PIK3CB: variants seen among roughly 807,000 people sequenced by gnomAD.
PIK3CB encodes phosphatidylinositol 4,5-bisphosphate 3-kinase catalytic subunit beta isoform.
A neutral mutation model predicts 136.8 loss-of-function variants in PIK3CB; 39 were observed. The ratio of observed to expected loss-of-function variants is 0.29; its 90% confidence interval spans 0.22 to 0.37. The LOEUF is 0.37. Ranked by LOEUF, PIK3CB falls within the 10% of genes least tolerant of loss-of-function variation. The pLI, the probability that PIK3CB is intolerant of heterozygous loss-of-function variation, is 1.00. For synonymous variants in PIK3CB, 428 were observed against 436.6 expected (o/e 0.98, Z 0.25); for missense variants, 868 against 1,275.4 (o/e 0.68, Z 4.87).
chr3:138,681,914 T>A (rs2043789285), intron 19 of PIK3CB, 53 bp downstream of exon 19: 1 of 1,060,074 alleles, frequency 9.4e-7, no homozygotes, highest in Non-Finnish European at 1.4e-6. Context: ...ATTCTAGATA[T>A]TTTTGCTATG....
chr3:138,769,595 C>T (rs2045775515), intron 2 of PIK3CB, among the ~76,000 whole-genome samples: 1 of 152,178 alleles, frequency 6.6e-6, no homozygotes, highest in African/African-American at 2.4e-5. Context: ...GGCATACTCA[C>T]AAAATGTGGT....
At chr3:138,831,252 C>T (rs899469987) in intron 1 of PIK3CB, among the ~76,000 whole-genome samples, 24 of 105,196 alleles carry the variant, frequency 2.3e-4, no homozygotes, top group African/African-American at 8.3e-5. Context: ...AGTGAGACTC[C>T]GTCTCAAATA....
chr3:138,688,167 A>G (rs1201541617), intron 16 of PIK3CB, among the ~76,000 whole-genome samples: 1 of 152,178 alleles, frequency 6.6e-6, no homozygotes, highest in African/African-American at 2.4e-5. Flanking sequence ...AATGAATTAG[A>G]AAAGAGTAGT....
intron 2 of PIK3CB, among the ~76,000 whole-genome samples, chr3:138,784,618 A>G (rs994584193): frequency 6.6e-6 from 1 of 151,996 alleles, no homozygotes; most frequent in Non-Finnish European, 1.5e-5. Flanking sequence ...TTTGGTGGAG[A>G]CGGGGTTTCG....
chr3:138,833,317 T>C (rs543809499), intron 1 of PIK3CB, among the ~76,000 whole-genome samples: 121 of 152,166 alleles, frequency 8.0e-4, no homozygotes, highest in African/African-American at 2.7e-3. Context: ...TCCGCCCGCC[T>C]CGGCCTCCCA....
At chr3:138,752,155 A>T (rs141712886) in intron 4 of PIK3CB, among the ~76,000 whole-genome samples, 252 of 152,204 alleles carry the variant, frequency 1.7e-3, no homozygotes, top group African/African-American at 5.7e-3. Context: ...GGTGGCATAC[A>T]CCTTACTACA....
At chr3:138,777,083 G>A (rs1158203788) in intron 2 of PIK3CB, among the ~76,000 whole-genome samples, 1 of 152,080 alleles carries the variant, frequency 6.6e-6, no homozygotes, top group Non-Finnish European at 1.5e-5. Context: ...GCACCTACTG[G>A]TGCTGCCTGC....
chr3:138,773,333 G>T (rs1294290859), intron 2 of PIK3CB, among the ~76,000 whole-genome samples: 4 of 152,052 alleles, frequency 2.6e-5, no homozygotes, highest in Non-Finnish European at 5.9e-5. Flanking sequence ...AGAGGTTGCA[G>T]TGAGTTGAGA....
intron 19 of PIK3CB, among the ~76,000 whole-genome samples, chr3:138,667,451 A>G (rs984058953): frequency 6.6e-6 from 1 of 152,120 alleles, no homozygotes; most frequent in Non-Finnish European, 1.5e-5. Flanking sequence ...GAGGGAGTAT[A>G]TGAGTGTGTT....
intron 19 of PIK3CB, among the ~76,000 whole-genome samples, chr3:138,677,494 G>A (rs530633554): frequency 2.0e-4 from 31 of 152,282 alleles, no homozygotes; most frequent in Admixed American, 5.2e-4. Flanking sequence ...TCACTGTAAC[G>A]AATAATATAA....
At chr3:138,771,578 A>T (rs1030302904) in intron 2 of PIK3CB, among the ~76,000 whole-genome samples, 1 of 152,172 alleles carries the variant, frequency 6.6e-6, no homozygotes, top group Non-Finnish European at 1.5e-5. Context: ...TATATGTAAG[A>T]GCTATTTCTA....
chr3:138,712,351 A>C, intron 9 of PIK3CB, 47 bp from the exon 10 acceptor site: 1 of 821,394 alleles, frequency 1.2e-6, no homozygotes, highest in Non-Finnish European at 1.9e-6. Flanking sequence ...AATAACTTTA[A>C]GGTGTAAACA....
chr3:138,689,449 A>G (rs2043962149), intron 15 of PIK3CB, among the ~76,000 whole-genome samples: 1 of 152,106 alleles, frequency 6.6e-6, no homozygotes, highest in South Asian at 2.1e-4. Flanking sequence ...ATGCGCCACC[A>G]TGCCTGGCTA....
intron 2 of PIK3CB, among the ~76,000 whole-genome samples, chr3:138,763,833 C>G (rs2045693756): frequency 6.6e-6 from 1 of 152,166 alleles, no homozygotes; most frequent in Non-Finnish European, 1.5e-5. Flanking sequence ...TTGATGAAGG[C>G]CAGGCGCGCT....
intron 1 of PIK3CB, among the ~76,000 whole-genome samples, chr3:138,804,917 C>T (rs1298627439): frequency 1.3e-5 from 2 of 152,024 alleles, no homozygotes; most frequent in African/African-American, 2.4e-5. Context: ...CCCAGCTACT[C>T]GGAAAGCTGA....
intron 1 of PIK3CB, among the ~76,000 whole-genome samples, chr3:138,800,402 G>A (rs2046158722): frequency 6.6e-6 from 1 of 150,774 alleles, no homozygotes; most frequent in African/African-American, 2.4e-5. Flanking sequence ...ATGGCTCACT[G>A]CAGCCTTGAC....
chr3:138,763,039 G>A (rs990308831), intron 2 of PIK3CB, among the ~76,000 whole-genome samples: 3 of 152,080 alleles, frequency 2.0e-5, no homozygotes, highest in African/African-American at 7.2e-5. Flanking sequence ...AGACAGAGGT[G>A]GAAGCCAGCT....
chr3:138,794,916 C>T (rs1252412760), intron 2 of PIK3CB, among the ~76,000 whole-genome samples: 1 of 152,130 alleles, frequency 6.6e-6, no homozygotes, highest in African/African-American at 2.4e-5. Context: ...TGGTGGCTTA[C>T]ACCTGTAATC....
At chr3:138,743,073 A>G (rs2045276438) in intron 4 of PIK3CB, among the ~76,000 whole-genome samples, 5 of 152,372 alleles carry the variant, frequency 3.3e-5, no homozygotes, top group Admixed American at 2.6e-4. Context: ...TTCACAATAC[A>G]TATTTTAAAG....
Sources: gnomAD v4.1 joint callset for allele counts (sites outside exome capture counted in the v4.1 genomes callset) on GRCh38, gnomAD v4.1.1 for gene constraint, MANE v1.5 for transcripts, NCBI Gene and HGNC (gene_info 2026-07-23, HGNC 2026-07-21) for gene names.